Variants in TECTA observed in about 807,000 individuals in gnomAD.
TECTA encodes the protein alpha-tectorin.
Under a neutral mutation model 216.8 loss-of-function variants are expected in TECTA, and 128 were observed. The ratio of observed to expected loss-of-function variants is 0.59; its 90% CI spans 0.51 to 0.68. TECTA has a LOEUF of 0.68. Among genes scored for constraint, TECTA ranks in the 30% least tolerant of loss-of-function variants. TECTA has a pLI of 0.00. For synonymous variants in TECTA, 1,089 were observed against 1,117.1 expected, an observed-to-expected ratio of 0.97 and a Z score of 0.50; for missense variants, 2,551 against 2,786.2, an observed-to-expected ratio of 0.92 and a Z score of 1.90.
Position 121,127,606 on chromosome 11 carries a change from T to TA in TECTA, c.1775-145dup. ...GAGTCATTGAGCTGGGTTTTACAGATACAACCTCAATTCTGTCTTCCCCGA... is the reference window on the plus strand; with the variant it reads ...GAGTCATTGAGCTGGGTTTTACAGATAACAACCTCAATTCTGTCTTCCCCGA... On this transcript the variant is annotated intron_variant, in intron 8 of 23. Transcript: ENST00000392793. This position sits in a 1 kb window ranked among gnomAD's most constrained non-coding sequence, Gnocchi z 5.0. The TA allele has an allele frequency of 1.2e-6, 1 of 862,202 alleles. No homozygotes were observed. The highest frequency in any genetic ancestry group is 1.9e-6 in the Non-Finnish European group (1 of 524,292). The allele number at this position is 862,202 out of a possible 1,614,324, so 53.4% of individuals were successfully genotyped here.
At chr11:121,160,539 G>A (rs913062558) in intron 15 of TECTA, 118 bp downstream of exon 15, 119 of 1,405,782 alleles carry the variant, frequency 8.5e-5, no homozygotes, top group Middle Eastern at 2.5e-4. Context: ...CTACAGAGAC[G>A]AGCCAAAGCT....
At position 121,175,498 on chromosome 11, in the gene TECTA, G is replaced by A. The variant is rs541549498; in HGVS notation, c.5999+6573G>A. On this transcript the variant is annotated intron_variant, in intron 20 of 23. Coordinates refer to ENST00000392793, the MANE Select transcript of TECTA (RefSeq NM_005422.4). ...TTGTTCAGTTTCCATGTAATTGAGC[G>A]GTTTTGAGTGAGTTTCTTAATCCTG... Among the ~76,000 whole-genome samples, 48 of 152,194 alleles carry A rather than the reference G, an allele frequency of 3.2e-4. 1 individual carries two copies. In the South Asian group the frequency reaches 9.2e-3, roughly 29 times the overall value.
intron 11 of TECTA, among the ~76,000 whole-genome samples, chr11:121,141,609 C>G (rs1215907081): frequency 6.6e-6 from 1 of 152,238 alleles, no homozygotes; most frequent in Admixed American, 6.5e-5. Context: ...CTCCTGCCCC[C>G]ACCCTCAGGC....
intron 20 of TECTA, among the ~76,000 whole-genome samples, chr11:121,178,082 A>T (rs1947187337): frequency 6.6e-6 from 1 of 152,056 alleles, no homozygotes; most frequent in African/African-American, 2.4e-5. Flanking sequence ...GCCGTCTGTC[A>T]CCCCTTTCTT....
intron 11 of TECTA, among the ~76,000 whole-genome samples, chr11:121,143,018 G>A (rs2135102805): frequency 6.6e-6 from 1 of 152,288 alleles, no homozygotes; most frequent in East Asian, 1.9e-4. Flanking sequence ...CTCCTTAAGA[G>A]CATCATCTCT....
Position 121,130,108 on chromosome 11 carries a change from TGG to T in TECTA, c.2842_2843del (p.Gly948GlnfsTer2). Reference sequence around the variant, plus strand: ...CCTGCCTTTTCCGCCTGTGCCAGAGTGGGGGCAATGAGTCAGAGCTCTGTGAC... The same window carrying T: ...CCTGCCTTTTCCGCCTGTGCCAGAGTGGGCAATGAGTCAGAGCTCTGTGAC... Reference protein sequence around the residue: ...RTCLFRLCQSGGNESELCDSV... With the variant: ...RTCLFRLCQSXGNESELCDSV... On this transcript the variant is annotated frameshift_variant, in exon 10 of 24. Transcript: ENST00000392793. LOFTEE classifies it high-confidence loss of function. The T allele has an allele frequency of 6.2e-6, 10 of 1,613,134 alleles. No individual in the cohort carries two copies. The highest frequency in any genetic ancestry group is 8.5e-6 in the Non-Finnish European group (10 of 1,179,998).
rs1384474988 is a variant in TECTA, at chr11:121,125,819, T to A, written c.1721T>A (p.Val574Glu). ...CAAGCCATCCAGGCCTATGCTCTTG[T>A]GTGCCAAGCCCTTGGCATTCCAATT... ...LCQAIQAYAL[V>E]CQALGIPIGD... The change falls in exon 8 of 24, where the codon GTG becomes GAG. Residue 574 changes from valine (V) to glutamate (E), a missense_variant. Physicochemically the swap from Val to Glu is moderately radical, Grantham distance 121. Coordinates refer to ENST00000392793, the MANE Select transcript of TECTA (RefSeq NM_005422.4). The A allele has an allele frequency of 6.2e-7, 1 of 1,613,556 alleles. No individual in the cohort carries two copies.
chr11:121,116,821 T>A (rs977971460), intron 6 of TECTA, among the ~76,000 whole-genome samples: 1 of 152,252 alleles, frequency 6.6e-6, no homozygotes, highest in African/African-American at 2.4e-5. Flanking sequence ...CTGGAAATGA[T>A]GCTGAGTGGA....
At position 121,145,811 on chromosome 11, in the gene TECTA, G is replaced by A; in HGVS notation, c.3800G>A (p.Gly1267Glu). The change falls in exon 12 of 24, where the codon GGG becomes GAG. Residue 1267 changes from glycine to glutamate, a missense_variant. Around this residue, in one of 3 missense-constraint regions of TECTA, gnomAD observed 2,375 missense variants for 2,563.9 expected, o/e 0.93. Coordinates refer to ENST00000392793, the MANE Select transcript of TECTA (RefSeq NM_005422.4). ...CTTGCATCGAGTGTCAATGAGTTTG[G>A]GCAGAGCTGGGTGAAGAGGGACACC... is the stretch of plus-strand genomic sequence containing the variant. ...GLLASSVNEFGQSWVKRDTFC... is the reference protein window; with the variant it reads ...GLLASSVNEFEQSWVKRDTFC... 6.2e-7 allele frequency: 1 copy of A among 1,614,174 alleles called. No homozygotes were observed. Among genetic ancestry groups the A allele is most frequent in the Non-Finnish European group, 8.5e-7 (1 of 1,180,040 alleles).
At chr11:121,146,200 G>A (rs140531881) in intron 12 of TECTA, 84 bp downstream of exon 12, 21 of 1,531,874 alleles carry the variant, frequency 1.4e-5, no homozygotes, top group Non-Finnish European at 1.9e-5. Flanking sequence ...CTCCCTAGAA[G>A]TCAGAGCAAA....
At chr11:121,168,512 G>A (rs955103362) in intron 19 of TECTA, 165 bp from the exon 20 acceptor site, 1 of 1,007,288 alleles carries the variant, frequency 9.9e-7, no homozygotes, top group Admixed American at 2.4e-5. Context: ...TCATTTAAAT[G>A]TAAATTGCCC....
At chr11:121,107,318 G>A (rs1182986608) in intron 3 of TECTA, among the ~76,000 whole-genome samples, 1 of 152,200 alleles carries the variant, frequency 6.6e-6, no homozygotes, top group Non-Finnish European at 1.5e-5. Flanking sequence ...GCAACAGGAG[G>A]TTCCTTAGCT....
intron 2 of TECTA, among the ~76,000 whole-genome samples, chr11:121,103,475 G>A (rs967590468): frequency 2.0e-5 from 3 of 152,034 alleles, no homozygotes; most frequent in African/African-American, 7.3e-5. Flanking sequence ...TCCAGAATTG[G>A]TGAATTTAAG....
At position 121,162,502 on chromosome 11, in the gene TECTA, G is replaced by A. The variant is rs186367640; in HGVS notation, c.5272+132G>A. 4 of 1,238,706 alleles carry A rather than the reference G, an allele frequency of 3.2e-6. No individual in the cohort carries two copies. In the East Asian group the frequency reaches 7.6e-5, roughly 23 times the overall value. 76.7% of individuals were successfully genotyped at this position (1,238,706 alleles called of 1,614,324 possible). ...ATAGATCTGCTTCCAGGATTGGATA[G>A]TAGAGAGCTGTGAGCTGCAGCCGAG... On this transcript the variant is annotated intron_variant, in intron 16 of 23. Transcript: ENST00000392793.
intron 10 of TECTA, among the ~76,000 whole-genome samples, chr11:121,132,769 G>T (rs1184770951): frequency 6.6e-6 from 1 of 151,956 alleles, no homozygotes; most frequent in South Asian, 2.1e-4. Flanking sequence ...ACCCAGGCTG[G>T]AGTGCAGTGG....
intron 15 of TECTA, 93 bp from the exon 16 acceptor site, chr11:121,161,982 A>C (rs1947004332): frequency 1.9e-6 from 3 of 1,540,070 alleles, no homozygotes; most frequent in Admixed American, 3.3e-5. Context: ...GGCACAATGC[A>C]CTAGCTTCAG....
At chr11:121,106,372 T>C (rs1402635581) in intron 3 of TECTA, among the ~76,000 whole-genome samples, 1 of 152,156 alleles carries the variant, frequency 6.6e-6, no homozygotes, top group African/African-American at 2.4e-5. Context: ...TCCTACCAAT[T>C]TGAAGCAGAG....
At chr11:121,121,912 C>G (rs1946562422) in intron 7 of TECTA, among the ~76,000 whole-genome samples, 1 of 152,200 alleles carries the variant, frequency 6.6e-6, no homozygotes, top group Non-Finnish European at 1.5e-5. Context: ...GTGTTCAGCA[C>G]TCTTACTAGC....
intron 20 of TECTA, among the ~76,000 whole-genome samples, chr11:121,178,516 TAGTG>T (rs1275139452): frequency 8.3e-5 from 5 of 60,062 alleles, no homozygotes; most frequent in African/African-American, 2.6e-4. Context: ...GGCTTGTAGT[TAGTG>T]TGTGTGTGTG....
Sources: allele counts gnomAD v4.1 joint callset (sites outside exome capture counted in the v4.1 genomes callset), GRCh38; gene constraint gnomAD v4.1.1; regional missense constraint gnomAD v4.1.1; non-coding constraint Gnocchi (gnomAD v3.1); transcripts MANE v1.5; gene names NCBI Gene and HGNC (gene_info 2026-07-23, HGNC 2026-07-21).